The following MAML2 variants were observed in gnomAD, a reference collection of about 807,000 sequenced individuals.
MAML2 encodes mastermind-like protein 2.
In MAML2, 22 loss-of-function variants were observed where a neutral mutation model predicts 96.1. The observed-to-expected ratio is 0.23, with a 90% confidence interval of 0.16 to 0.33. The LOEUF is 0.33. Among genes scored for constraint, MAML2 ranks in the 10% least tolerant of loss-of-function variants. MAML2 has a pLI of 1.00. For missense variants in MAML2, 1,367 were observed against 1,392.4 expected, an observed-to-expected ratio of 0.98 and a Z score of 0.29; for synonymous variants, 561 against 521.3, an observed-to-expected ratio of 1.08 and a Z score of -1.04.
intron 1 of MAML2, among the ~76,000 whole-genome samples, chr11:96,273,136 A>G (rs972589770): frequency 6.6e-6 from 1 of 152,218 alleles, no homozygotes; most frequent in African/African-American, 2.4e-5. Flanking sequence ...ACAAGAGGAC[A>G]GTCACAATCA....
intron 1 of MAML2, among the ~76,000 whole-genome samples, chr11:96,171,084 G>T (rs1861286770): frequency 6.6e-6 from 1 of 151,652 alleles, no homozygotes; most frequent in South Asian, 2.1e-4. Flanking sequence ...GTTCCCACTT[G>T]TCTTTCCTCT....
At chr11:96,107,474 T>G (rs1391566562) in intron 1 of MAML2, among the ~76,000 whole-genome samples, 1 of 152,232 alleles carries the variant, frequency 6.6e-6, no homozygotes, top group Admixed American at 6.5e-5. Flanking sequence ...AGTGTGACAC[T>G]GTGATATAAT....
chr11:96,005,498 A>T lies in MAML2; in HGVS notation c.2140-13775T>A, dbSNP rs76847794. ...AATACCACTGTGATGAAATAATTTG[A>T]TTTTTTTTCTCATTGAGTCAAAAAT... On this transcript the variant is annotated intron_variant, in intron 2 of 4. Coordinates refer to ENST00000524717, the MANE Select transcript of MAML2 (RefSeq NM_032427.4). Among the ~76,000 whole-genome samples the T allele has an allele frequency of 2.3e-3, 350 of 152,230 alleles. 4 individuals carry two copies. The highest frequency in any genetic ancestry group is 8.1e-3 in the African/African-American group (337 of 41,522).
At chr11:96,241,730 C>T (rs1862440325) in intron 1 of MAML2, among the ~76,000 whole-genome samples, 2 of 152,192 alleles carry the variant, frequency 1.3e-5, no homozygotes, top group South Asian at 4.1e-4. Context: ...AAGTCCTCCA[C>T]TTCCTGCTGG....
At chr11:96,316,170 C>T (rs1456007822) in intron 1 of MAML2, among the ~76,000 whole-genome samples, 2 of 152,192 alleles carry the variant, frequency 1.3e-5, no homozygotes, top group African/African-American at 4.8e-5. Context: ...CCTATTCCTG[C>T]TGTTCCTTTA....
At chr11:96,195,501 A>T (rs1238594869) in intron 1 of MAML2, among the ~76,000 whole-genome samples, 1 of 152,216 alleles carries the variant, frequency 6.6e-6, no homozygotes, top group Non-Finnish European at 1.5e-5. Flanking sequence ...CATCAGTTCA[A>T]AAACTCAGAA....
chr11:96,018,812 C>G (rs1387480578), intron 2 of MAML2, among the ~76,000 whole-genome samples: 4 of 152,174 alleles, frequency 2.6e-5, no homozygotes, highest in African/African-American at 9.7e-5. Flanking sequence ...TGGTCTTGAA[C>G]TCCTGACCTC....
intron 2 of MAML2, among the ~76,000 whole-genome samples, chr11:96,073,078 G>A (rs375034971): frequency 5.3e-5 from 8 of 152,304 alleles, no homozygotes; most frequent in African/African-American, 1.9e-4. Context: ...AACAGACTGT[G>A]TATTTAATTT....
intron 1 of MAML2, among the ~76,000 whole-genome samples, chr11:96,250,009 C>T (rs2135966039): frequency 6.6e-6 from 1 of 152,298 alleles, no homozygotes; most frequent in African/African-American, 2.4e-5. Flanking sequence ...AGCCTCCCTG[C>T]AATTCGCTCA....
intron 3 of MAML2, among the ~76,000 whole-genome samples, chr11:95,990,371 T>C (rs928335642): frequency 1.3e-5 from 2 of 152,158 alleles, no homozygotes; most frequent in African/African-American, 4.8e-5. Flanking sequence ...TCGTGCACAC[T>C]CAATACCTTG....
chr11:96,069,458 C>T (rs907551222), intron 2 of MAML2, among the ~76,000 whole-genome samples: 1 of 151,382 alleles, frequency 6.6e-6, no homozygotes, highest in Non-Finnish European at 1.5e-5. Flanking sequence ...CAGATCATTT[C>T]GGCCCAGAAG....
At chr11:96,166,702 G>A (rs975664692) in intron 1 of MAML2, among the ~76,000 whole-genome samples, 2 of 152,232 alleles carry the variant, frequency 1.3e-5, no homozygotes, top group African/African-American at 4.8e-5. Flanking sequence ...GGTGCCCAAA[G>A]CATCCAATAC....
At chr11:96,066,029 G>A (rs748126875) in intron 2 of MAML2, among the ~76,000 whole-genome samples, 5 of 152,116 alleles carry the variant, frequency 3.3e-5, no homozygotes, top group East Asian at 1.9e-4. Context: ...CTGAAAACTC[G>A]CTCCAAGAAA....
intron 2 of MAML2, among the ~76,000 whole-genome samples, chr11:96,037,470 T>A (rs1858735997): frequency 6.6e-6 from 1 of 152,218 alleles, no homozygotes; most frequent in South Asian, 2.1e-4. Flanking sequence ...TGTTTGCAAA[T>A]TTAGCCCTGT....
At chr11:96,284,387 C>T (rs533142038) in intron 1 of MAML2, among the ~76,000 whole-genome samples, 5 of 152,190 alleles carry the variant, frequency 3.3e-5, no homozygotes, top group Non-Finnish European at 7.4e-5. Flanking sequence ...TCAAACTTAT[C>T]ACCATCTTCA....
intron 2 of MAML2, among the ~76,000 whole-genome samples, chr11:96,000,527 T>C (rs1223922244): frequency 6.6e-6 from 1 of 152,244 alleles, no homozygotes; most frequent in Non-Finnish European, 1.5e-5. Context: ...GGACAAATAA[T>C]GTGAGATACT....
At chr11:96,144,944 G>T (rs1174475584) in intron 1 of MAML2, among the ~76,000 whole-genome samples, 1 of 152,130 alleles carries the variant, frequency 6.6e-6, no homozygotes, top group African/African-American at 2.4e-5. Flanking sequence ...AACTTCCAAT[G>T]CATTGGATTA....
At chr11:96,142,452 G>A (rs542138198) in intron 1 of MAML2, among the ~76,000 whole-genome samples, 2 of 152,272 alleles carry the variant, frequency 1.3e-5, no homozygotes, top group East Asian at 3.9e-4. Context: ...CTTATTCTGA[G>A]AGTTAACATT....
intron 1 of MAML2, among the ~76,000 whole-genome samples, chr11:96,320,232 C>T (rs1364760398): frequency 6.6e-6 from 1 of 152,170 alleles, no homozygotes; most frequent in African/African-American, 2.4e-5. Context: ...GATTATGTCA[C>T]CTGTCAACTA....
Sources: allele counts gnomAD v4.1 joint callset (sites outside exome capture counted in the v4.1 genomes callset), GRCh38; gene constraint gnomAD v4.1.1; transcripts MANE v1.5; gene names NCBI Gene and HGNC (gene_info 2026-07-23, HGNC 2026-07-21).